CEP83: variants seen among roughly 807,000 people sequenced by gnomAD.
CEP83 encodes centrosomal protein 83, also known as centrosomal protein of 83 kDa.
A neutral mutation model predicts 101.9 loss-of-function variants in CEP83; 70 were observed. That is an observed-to-expected ratio of 0.69 (90% CI 0.57 to 0.84). CEP83 has a LOEUF of 0.84. CEP83 is among the 40% of genes least tolerant of loss of function. The probability of loss-of-function intolerance (pLI) is 0.00; values close to 1 mark genes in which losing one functional copy is unlikely to be tolerated. For synonymous variants in CEP83, 264 were observed against 267.9 expected, an observed-to-expected ratio of 0.99 and a Z score of 0.14; for missense variants, 715 against 787.2, an observed-to-expected ratio of 0.91 and a Z score of 1.10.
chr12:94,420,426 A>ACTAG (rs2064636148), intron 2 of CEP83, among the ~76,000 whole-genome samples: 1 of 152,254 alleles, frequency 6.6e-6, no homozygotes, highest in South Asian at 2.1e-4. Flanking sequence ...GTATAATGGA[A>ACTAG]CTAGCACTAT....
intron 2 of CEP83, among the ~76,000 whole-genome samples, chr12:94,430,116 G>T (rs2065510299): frequency 6.6e-6 from 1 of 151,706 alleles, no homozygotes; most frequent in South Asian, 2.1e-4. Context: ...ACACAATCCA[G>T]AGGCCTGGAG....
chr12:94,308,971 G>C lies in CEP83; in HGVS notation c.2002-54C>G, dbSNP rs1048763778. 18 of 1,263,912 alleles carry C rather than the reference G, an allele frequency of 1.4e-5. No homozygotes were observed. In the African/African-American group the frequency reaches 2.4e-4, roughly 17 times the overall value. 78.3% of individuals were successfully genotyped at this position (1,263,912 alleles called of 1,614,324 possible). A position where few individuals can be genotyped will look rare whatever the true frequency, so the allele number is the denominator to read the frequency against. On this transcript the variant is annotated intron_variant, in intron 16 of 16. Coordinates refer to ENST00000397809, the MANE Select transcript of CEP83 (RefSeq NM_016122.3). Reference sequence around the variant, plus strand: ...AAAGAAACTATTAGAAAAACTGTTAGGTAGCAACCTTGGACTGCCTCTTTT... The same window carrying C: ...AAAGAAACTATTAGAAAAACTGTTACGTAGCAACCTTGGACTGCCTCTTTT...
intron 12 of CEP83, among the ~76,000 whole-genome samples, chr12:94,334,307 C>CT (rs34754334): frequency 0.1 from 15,173 of 152,006 alleles, 901 homozygotes; most frequent in Admixed American, 0.15. Context: ...TCACTCACAG[C>CT]TTTTTTTTCC....
intron 8 of CEP83, among the ~76,000 whole-genome samples, chr12:94,370,675 G>A (rs1361378639): frequency 6.6e-6 from 1 of 152,130 alleles, no homozygotes; most frequent in African/African-American, 2.4e-5. Context: ...ACTGCACTTG[G>A]CCTGAAACCT....
At chr12:94,398,420 T>A (rs2063034570) in intron 6 of CEP83, among the ~76,000 whole-genome samples, 1 of 152,114 alleles carries the variant, frequency 6.6e-6, no homozygotes, top group Non-Finnish European at 1.5e-5. Context: ...ATTATGAAGA[T>A]TTCATTTTAA....
the CEP83 span, among the ~76,000 whole-genome samples, chr12:94,285,490 C>T: frequency 1.3e-5 from 2 of 152,182 alleles, no homozygotes; most frequent in Non-Finnish European, 2.9e-5. Flanking sequence ...CAACTTGCCC[C>T]GTGCTCACTC....
At chr12:94,401,186 T>C (rs567154928) in intron 5 of CEP83, 56 of 254,460 alleles carry the variant, frequency 2.2e-4, no homozygotes, top group African/African-American at 1.2e-3. Flanking sequence ...CCTGAAAAGA[T>C]ATCCAAAAAG....
chr12:94,359,628 T>C (rs1308814813), intron 11 of CEP83, among the ~76,000 whole-genome samples: 1 of 152,034 alleles, frequency 6.6e-6, no homozygotes, highest in Non-Finnish European at 1.5e-5. Context: ...GTAACAAGAC[T>C]GCATCATCAA....
At chr12:94,314,679 T>C (rs1479746665) in intron 14 of CEP83, among the ~76,000 whole-genome samples, 1 of 152,252 alleles carries the variant, frequency 6.6e-6, no homozygotes, top group African/African-American at 2.4e-5. Flanking sequence ...GCATTCATTC[T>C]CATGCTTTGA....
chr12:94,369,439 G>A (rs946539316), intron 9 of CEP83: 17 of 152,494 alleles, frequency 1.1e-4, no homozygotes, highest in African/African-American at 3.4e-4. Flanking sequence ...GGGGGACAGA[G>A]CGAGACTCCA....
chr12:94,376,072 CA>C, intron 7 of CEP83, 55 bp from the exon 8 acceptor site: 1 of 1,082,058 alleles, frequency 9.2e-7, no homozygotes, highest in Non-Finnish European at 1.3e-6. Flanking sequence ...ATTTCAAAAT[CA>C]AATAAGCACT....
chr12:94,368,130 G>A lies in CEP83; in HGVS notation c.1120C>T (p.Arg374Cys), dbSNP rs200860374. The A allele has an allele frequency of 6.1e-4, 991 of 1,612,330 alleles. 1 individual carries two copies. The highest frequency in any genetic ancestry group is 7.6e-4 in the Non-Finnish European group (891 of 1,178,728). The change falls in exon 10 of 17, where the codon CGT (arginine) becomes TGT (cysteine). Residue 374 changes from arginine to cysteine, a missense_variant. Coordinates refer to ENST00000397809, the MANE Select transcript of CEP83 (RefSeq NM_016122.3). ...GCTTGTACTTTACGTATTAATTCAC[G>A]ATCCTTTTCTACTAAGAGCACTTTG... Reference protein sequence around the residue: ...HHKVLLVEKDRELIRKVQAAK... With the variant: ...HHKVLLVEKDCELIRKVQAAK...
In CEP83 at chr12:94,308,934, G is replaced by C. The variant is rs754845475; in HGVS notation, c.2002-17C>G. 1 of 1,553,436 alleles carries C rather than the reference G, an allele frequency of 6.4e-7. No homozygotes were observed. Among genetic ancestry groups the C allele is most frequent in the South Asian group, 1.1e-5 (1 of 89,566 alleles). On this transcript the variant is annotated splice_polypyrimidine_tract_variant and intron_variant, in intron 16 of 16. Transcript: ENST00000397809. ...TTGTTCCTCCTTAAAATGATGTAGA[G>C]AAAGCATAGCAAAAGAAACTATTAG...
intron 11 of CEP83, among the ~76,000 whole-genome samples, chr12:94,353,251 T>G (rs1040873539): frequency 1.3e-5 from 2 of 152,146 alleles, no homozygotes; most frequent in Admixed American, 1.3e-4. Context: ...CCAGCAAAAC[T>G]ATCTTCAGAA....
intron 2 of CEP83, chr12:94,424,052 C>T (rs2064995352): frequency 8.7e-6 from 14 of 1,611,956 alleles, no homozygotes; most frequent in Middle Eastern, 1.7e-4. Context: ...GTGGTGCATC[C>T]AGGATGGGTT....
downstream of CEP83, chr12:94,305,087 A>T: frequency 1.4e-6 from 1 of 728,734 alleles, no homozygotes; most frequent in Non-Finnish European, 2.4e-6. Context: ...TCTGTTTCAT[A>T]CAGATTTTAC....
rs545269946 is a variant in CEP83 at position 94,313,868 on chromosome 12, T to C, written c.1708-851A>G. Among the ~76,000 whole-genome samples the C allele has an allele frequency of 1.9e-4, 29 of 152,094 alleles. No individual in the cohort carries two copies. The South Asian group carries it at 5.6e-3, about 29-fold the overall frequency. ...GAAAAGAAAAGAACTGAAGTAAAAT[T>C]CAAAATTACAAGCACGTTTGTAAGT... On this transcript the variant is annotated intron_variant, in intron 14 of 16. Transcript: ENST00000397809.
chr12:94,453,423 C>T (rs2067407028), intron 1 of CEP83, among the ~76,000 whole-genome samples: 1 of 152,184 alleles, frequency 6.6e-6, no homozygotes, highest in African/African-American at 2.4e-5. Context: ...TGTATTCTTT[C>T]TAGTTCTAGG....
the CEP83 span, among the ~76,000 whole-genome samples, chr12:94,266,601 G>A: frequency 3.9e-5 from 6 of 152,170 alleles, no homozygotes; most frequent in Non-Finnish European, 7.4e-5. Context: ...TGGTAGAGTG[G>A]TTAACAGCAT....
Sources: gnomAD v4.1 joint callset for allele counts (sites outside exome capture counted in the v4.1 genomes callset) on GRCh38, gnomAD v4.1.1 for gene constraint, MANE v1.5 for transcripts, NCBI Gene and HGNC (gene_info 2026-07-23, HGNC 2026-07-21) for gene names.